The following FAM221A variants were observed in gnomAD, a reference collection of about 807,000 sequenced individuals.
FAM221A encodes the protein protein FAM221A.
FAM221A carries 43 observed loss-of-function variants against 37.6 expected under a neutral mutation model. That is an observed-to-expected ratio of 1.15 (90% CI 0.90 to 1.48). The LOEUF is 1.48. FAM221A is among the 40% of genes most tolerant of loss of function. The probability of loss-of-function intolerance (pLI) is 0.00; values close to 1 mark genes in which losing one functional copy is unlikely to be tolerated. For missense variants in FAM221A, 361 were observed against 361.5 expected (o/e 1.00, Z 0.01); for synonymous variants, 135 against 132.9 (o/e 1.02, Z -0.11).
At chr7:23,700,007 C>T (rs1365357357) in intron 5 of FAM221A, among the ~76,000 whole-genome samples, 1 of 152,184 alleles carries the variant, frequency 6.6e-6, no homozygotes, top group Admixed American at 6.5e-5. Flanking sequence ...GTGGATAACA[C>T]TTATTCAAAT....
chr7:23,689,437 G>T lies in FAM221A; in HGVS notation c.408G>T (p.Ala136=). The change falls in exon 3 of 7, where the codon GCG becomes GCT. Residue 136 remains alanine (A), a synonymous_variant. Transcript: ENST00000344962. ...CKHFADQHSA[A]PGFTCNTCSK... ...ACTTTGCTGATCAGCACAGTGCTGC[G>T]CCTGGCTTTACATGCAATACATGTG... The T allele has an allele frequency of 6.4e-7, 1 of 1,570,576 alleles. No homozygotes were observed. Among genetic ancestry groups the T allele is most frequent in the Non-Finnish European group, 8.7e-7 (1 of 1,146,934 alleles).
At chr7:23,700,566 T>G (rs73079094) in intron 5 of FAM221A, among the ~76,000 whole-genome samples, 2,883 of 152,302 alleles carry the variant, frequency 0.019, 45 homozygotes, top group African/African-American at 0.051. Flanking sequence ...ATATGAACTG[T>G]GGAATATTTG....
intron 1 of FAM221A, 25 bp downstream of exon 1, chr7:23,680,308 C>G: frequency 1.3e-6 from 2 of 1,512,212 alleles, no homozygotes; most frequent in African/African-American, 1.4e-5. Flanking sequence ...CCGGGCCTGC[C>G]CCCCCGCCGC....
intron 1 of FAM221A, among the ~76,000 whole-genome samples, chr7:23,681,564 C>G (rs1784042899): frequency 1.3e-5 from 2 of 152,088 alleles, no homozygotes; most frequent in Admixed American, 6.5e-5. Context: ...GGACTACAGG[C>G]GGCCAGCTAA....
intron 5 of FAM221A, among the ~76,000 whole-genome samples, chr7:23,699,115 A>ATTT (rs1185698578): frequency 9.0e-5 from 12 of 133,276 alleles, no homozygotes; most frequent in Non-Finnish European, 1.6e-4. Flanking sequence ...CAATGCTGGA[A>ATTT]TTTTTTTTTT....
At chr7:23,683,205 T>A (rs1220200044) in intron 1 of FAM221A, among the ~76,000 whole-genome samples, 1 of 152,222 alleles carries the variant, frequency 6.6e-6, no homozygotes, top group Non-Finnish European at 1.5e-5. Context: ...TGGAAAAACT[T>A]CTTTTAGTCG....
Position 23,702,099 on chromosome 7 carries a change from A to G in FAM221A, c.832A>G (p.Lys278Glu), listed in dbSNP as rs139470040. 1.3e-6 allele frequency: 2 copies of G among 1,591,492 alleles called. No homozygotes were observed. Among genetic ancestry groups the G allele is most frequent in the Non-Finnish European group, 1.7e-6 (2 of 1,168,398 alleles). ...FFERRYQERM[K>E]MEKAAKWKGK... ...AATAAATATGTTAAATTTACAGATG[A>G]AAATGGAAAAGGCTGCTAAGTGGAA... The change falls in exon 7 of 7, where the codon AAA becomes GAA. Residue 278 changes from lysine (K) to glutamate (E), a missense_variant. Physicochemically the swap from Lys to Glu is moderately conservative, Grantham distance 56. Coordinates refer to ENST00000344962, the MANE Select transcript of FAM221A (RefSeq NM_199136.5).
At chr7:23,692,744 A>C in intron 4 of FAM221A, 1 of 981,240 alleles carries the variant, frequency 1.0e-6, no homozygotes, top group Non-Finnish European at 1.2e-6. Context: ...CTCTTTGTCT[A>C]ATTCTTTCCC....
chr7:23,689,264 T>A lies in FAM221A; in HGVS notation c.240-5T>A, dbSNP rs770049840. On this transcript the variant is annotated splice_polypyrimidine_tract_variant and splice_region_variant and intron_variant, in intron 2 of 6. Transcript: ENST00000344962. ...TTATATTTCTCTCTCTTTCTCCTTT[T>A]TTAGGTATAAACAACATAAAACTGA... The A allele has an allele frequency of 1.1e-5, 17 of 1,506,900 alleles. No individual in the cohort carries two copies. The highest frequency in any genetic ancestry group is 1.5e-5 in the Non-Finnish European group (17 of 1,106,806). The allele number at this position is 1,506,900 out of a possible 1,614,324, so 93.3% of individuals were successfully genotyped here. A position where few individuals can be genotyped will look rare whatever the true frequency, so the allele number is the denominator to read the frequency against.
intron 1 of FAM221A, among the ~76,000 whole-genome samples, chr7:23,684,098 G>C (rs1784220093): frequency 6.6e-6 from 1 of 152,138 alleles, no homozygotes; most frequent in Non-Finnish European, 1.5e-5. Context: ...GGTTTGGGGA[G>C]TTCCTTCAGA....
At chr7:23,691,308 C>T (rs1358013134) in intron 3 of FAM221A, 82 bp from the exon 4 acceptor site, 1 of 1,346,562 alleles carries the variant, frequency 7.4e-7, no homozygotes. Context: ...CTAGGTTCAG[C>T]TGGCTTTTGC....
At chr7:23,696,429 G>A (rs1785066194) in intron 4 of FAM221A, among the ~76,000 whole-genome samples, 1 of 152,174 alleles carries the variant, frequency 6.6e-6, no homozygotes. Context: ...CTGGTATTGT[G>A]TGTGTGCCTG....
chr7:23,702,181 T>C lies in FAM221A; in HGVS notation c.*17T>C. 2 of 1,509,512 alleles carry C rather than the reference T, an allele frequency of 1.3e-6. No individual in the cohort carries two copies. The highest frequency in any genetic ancestry group is 9.0e-7 in the Non-Finnish European group (1 of 1,108,218). 93.5% of individuals were successfully genotyped at this position (1,509,512 alleles called of 1,614,324 possible). ...CCTTCATGAAGACTATTGGAGAAAT[T>C]AAAACCATCATCCAAGTATCTTTTT... On this transcript the variant is annotated 3_prime_UTR_variant, in exon 7 of 7. Coordinates refer to ENST00000344962, the MANE Select transcript of FAM221A (RefSeq NM_199136.5).
intron 2 of FAM221A, chr7:23,686,493 G>T: frequency 3.4e-6 from 1 of 291,436 alleles, no homozygotes; most frequent in Non-Finnish European, 6.8e-6. Context: ...TGGAACTCCT[G>T]GGCTTAAGTT....
At chr7:23,699,241 C>CCA (rs1219788875) in intron 5 of FAM221A, among the ~76,000 whole-genome samples, 1 of 151,298 alleles carries the variant, frequency 6.6e-6, no homozygotes, top group Non-Finnish European at 1.5e-5. Context: ...CCTCAGCCTT[C>CCA]CACATAGCTA....
chr7:23,702,114 G>T lies in FAM221A; in HGVS notation c.847G>T (p.Ala283Ser), dbSNP rs764136199. The T allele has an allele frequency of 2.5e-6, 4 of 1,600,344 alleles. No individual in the cohort carries two copies. In the African/African-American group the frequency reaches 4.0e-5, roughly 16 times the overall value. The change falls in exon 7 of 7, where the codon GCT (alanine) becomes TCT (serine). Residue 283 changes from alanine to serine, a missense_variant. By Grantham distance (99) the Ala-to-Ser change is moderately conservative (BLOSUM62 1). Transcript: ENST00000344962. The part of the protein sequence containing the change: ...YQERMKMEKA[A>S]KWKGKAPLPS... Reference sequence around the variant, plus strand: ...TTTACAGATGAAAATGGAAAAGGCTGCTAAGTGGAAAGGAAAAGCTCCATT... The same window carrying T: ...TTTACAGATGAAAATGGAAAAGGCTTCTAAGTGGAAAGGAAAAGCTCCATT...
Position 23,692,176 on chromosome 7 carries a change from A to G in FAM221A, c.637+580A>G, listed in dbSNP as rs561284626. 186 of 972,216 alleles carry G rather than the reference A, an allele frequency of 1.9e-4. 2 individuals carry two copies. The African/African-American group carries it at 3.1e-3, about 16-fold the overall frequency. 60.2% of individuals were successfully genotyped at this position (972,216 alleles called of 1,614,324 possible). A position where few individuals can be genotyped will look rare whatever the true frequency, so the allele number is the denominator to read the frequency against. ...AGTTTAATAGGATCTATTCTAAACT[A>G]TTAAAGGTAGATGGATCCTTCTGAG... On this transcript the variant is annotated intron_variant, in intron 4 of 6. Coordinates refer to ENST00000344962, the MANE Select transcript of FAM221A (RefSeq NM_199136.5).
intron 5 of FAM221A, among the ~76,000 whole-genome samples, chr7:23,699,070 A>G (rs557542396): frequency 6.6e-6 from 1 of 152,020 alleles, no homozygotes; most frequent in East Asian, 1.9e-4. Flanking sequence ...AGACAGGAGG[A>G]AGCCCGAGTT....
At chr7:23,700,224 G>T (rs1038538762) in intron 5 of FAM221A, among the ~76,000 whole-genome samples, 3 of 152,104 alleles carry the variant, frequency 2.0e-5, no homozygotes, top group Non-Finnish European at 4.4e-5. Context: ...CGCAATGAAG[G>T]TGTACTTTTC....
Sources: allele counts gnomAD v4.1 joint callset (sites outside exome capture counted in the v4.1 genomes callset), GRCh38; gene constraint gnomAD v4.1.1; transcripts MANE v1.5; gene names NCBI Gene and HGNC (gene_info 2026-07-23, HGNC 2026-07-21).